CCDC102B: variants seen among roughly 807,000 people sequenced by gnomAD.
CCDC102B encodes coiled-coil domain-containing protein 102B.
CCDC102B carries 75 observed loss-of-function variants against 57.4 expected under a neutral mutation model. The observed-to-expected ratio is 1.31, with a 90% CI of 1.08 to 1.58. The LOEUF (loss-of-function observed/expected upper bound fraction) is 1.58, where lower values mean the gene tolerates loss of function less well. CCDC102B is among the 40% of genes most tolerant of loss of function. The pLI is 0.00. For missense variants in CCDC102B, 636 were observed against 582.6 expected (o/e 1.09, Z -0.94); for synonymous variants, 206 against 201.9 (o/e 1.02, Z -0.17).
At chr18:69,050,753 G>T (rs1568151042) in intron 7 of CCDC102B, among the ~76,000 whole-genome samples, 1 of 151,900 alleles carries the variant, frequency 6.6e-6, no homozygotes, top group South Asian at 2.1e-4. Context: ...TGATTTCAAA[G>T]CTTAAAGAAC....
At chr18:68,822,432 CA>C (rs1001842783) in intron 1 of CCDC102B, among the ~76,000 whole-genome samples, 2 of 151,546 alleles carry the variant, frequency 1.3e-5, no homozygotes, top group Admixed American at 1.3e-4. Flanking sequence ...TTTGTAGAAA[CA>C]AATAAATGTT....
chr18:68,891,586 A>G (rs1037707556), intron 5 of CCDC102B, among the ~76,000 whole-genome samples: 6 of 152,224 alleles, frequency 3.9e-5, no homozygotes, highest in Non-Finnish European at 7.3e-5. Context: ...TAAACAGCAG[A>G]CATTATTTTC....
intron 2 of CCDC102B, among the ~76,000 whole-genome samples, chr18:68,724,212 T>C (rs553757137): frequency 6.6e-6 from 1 of 152,176 alleles, no homozygotes; most frequent in Non-Finnish European, 1.5e-5. Flanking sequence ...GGCCCTAAGC[T>C]TGGCCCACAA....
intron 4 of CCDC102B, chr18:68,867,039 T>G: frequency 3.7e-6 from 1 of 268,882 alleles, no homozygotes; most frequent in Non-Finnish European, 7.4e-6. Context: ...AGAGCTGACG[T>G]TCCCAGCGTC....
chr18:68,722,294 C>T (rs1400737480), intron 2 of CCDC102B, among the ~76,000 whole-genome samples: 1 of 152,232 alleles, frequency 6.6e-6, no homozygotes, highest in Non-Finnish European at 1.5e-5. Context: ...AATTTCCCCA[C>T]TCTTCCCTTG....
At chr18:68,963,908 G>A (rs2050107893) in intron 6 of CCDC102B, among the ~76,000 whole-genome samples, 1 of 151,800 alleles carries the variant, frequency 6.6e-6, no homozygotes, top group African/African-American at 2.4e-5. Context: ...TCATGTGAGA[G>A]AATATGTTTG....
At chr18:68,985,398 CTG>C (rs2050698800) in intron 6 of CCDC102B, among the ~76,000 whole-genome samples, 1 of 152,094 alleles carries the variant, frequency 6.6e-6, no homozygotes, top group African/African-American at 2.4e-5. Context: ...AACGTACACT[CTG>C]TATTTGTCAG....
At chr18:69,047,314 G>A (rs1297956236) in intron 7 of CCDC102B, among the ~76,000 whole-genome samples, 1 of 152,026 alleles carries the variant, frequency 6.6e-6, no homozygotes, top group Non-Finnish European at 1.5e-5. Context: ...AATAGATACA[G>A]AAAACACTTT....
chr18:68,905,770 T>C (rs896466696), intron 6 of CCDC102B, among the ~76,000 whole-genome samples: 2 of 147,958 alleles, frequency 1.4e-5, no homozygotes, highest in African/African-American at 2.5e-5. Context: ...TGATATATAA[T>C]CTTTTATGTC....
At chr18:68,720,119 T>C (rs2032243783) in intron 2 of CCDC102B, among the ~76,000 whole-genome samples, 1 of 152,244 alleles carries the variant, frequency 6.6e-6, no homozygotes, top group Middle Eastern at 3.2e-3. Context: ...GGAATTTATA[T>C]ACTTCAACCT....
intron 6 of CCDC102B, among the ~76,000 whole-genome samples, chr18:68,919,814 C>A (rs1484980620): frequency 6.7e-6 from 1 of 149,656 alleles, no homozygotes; most frequent in East Asian, 2.0e-4. Flanking sequence ...GAGAGAATGT[C>A]TTCAATAATT....
rs576749485 is a variant in CCDC102B at position 68,739,082 on chromosome 18, C to T, written c.-67+22488C>T. On this transcript the variant is annotated intron_variant, in intron 2 of 3. Coordinates refer to the CCDC102B transcript ENST00000578970. Reference sequence around the variant, plus strand: ...CAATTTCACATCACTGCAACCTCCACCTCCCAGGATCAAGCGATTCTTGTG... The same window carrying T: ...CAATTTCACATCACTGCAACCTCCATCTCCCAGGATCAAGCGATTCTTGTG... 4.6e-5 allele frequency among the ~76,000 whole-genome samples: 7 copies of T among 151,362 alleles called. No homozygotes were observed. In the East Asian group the frequency reaches 1.2e-3, roughly 25 times the overall value.
intron 1 of CCDC102B, among the ~76,000 whole-genome samples, chr18:68,822,673 T>C (rs2036740641): frequency 1.3e-5 from 2 of 152,180 alleles, no homozygotes; most frequent in Admixed American, 1.3e-4. Flanking sequence ...TTTCCATTTT[T>C]ATGTCCATGC....
At chr18:68,765,289 AAAGAAAGGAAGGAAGG>A (rs1391929429) in intron 2 of CCDC102B, among the ~76,000 whole-genome samples, 59 of 87,504 alleles carry the variant, frequency 6.7e-4, no homozygotes, top group Non-Finnish European at 7.9e-4. Flanking sequence ...GAAAGAAAAG[AAAGAAAGGAAGGAAGG>A]AAGGAAGGAA....
intron 2 of CCDC102B, among the ~76,000 whole-genome samples, chr18:68,739,556 G>T (rs2145219485): frequency 6.6e-6 from 1 of 152,248 alleles, no homozygotes; most frequent in Non-Finnish European, 1.5e-5. Flanking sequence ...TTAGTCCATT[G>T]TACTACAGAT....
chr18:68,755,747 CAAATT>C (rs2034025689), intron 2 of CCDC102B, among the ~76,000 whole-genome samples: 1 of 151,224 alleles, frequency 6.6e-6, no homozygotes, highest in African/African-American at 2.4e-5. Context: ...TATTAATGAT[CAAATT>C]AAAAATTTGA....
chr18:69,017,184 T>G (rs2145410433), intron 7 of CCDC102B, among the ~76,000 whole-genome samples: 1 of 152,278 alleles, frequency 6.6e-6, no homozygotes, highest in East Asian at 1.9e-4. Flanking sequence ...GGGGCGGTCT[T>G]GGCTCACTGA....
intron 6 of CCDC102B, among the ~76,000 whole-genome samples, chr18:68,920,778 AACTC>A (rs1286911515): frequency 1.1e-4 from 16 of 152,268 alleles, no homozygotes; most frequent in Middle Eastern, 3.4e-3. Context: ...TAAAATCATG[AACTC>A]ACTCAGTATC....
intron 1 of CCDC102B, among the ~76,000 whole-genome samples, chr18:68,810,350 C>T (rs1157248151): frequency 6.6e-6 from 1 of 152,102 alleles, no homozygotes; most frequent in Non-Finnish European, 1.5e-5. Flanking sequence ...TATACACACT[C>T]AGCAGGTGGT....
Sources: gnomAD v4.1 joint callset for allele counts (sites outside exome capture counted in the v4.1 genomes callset) on GRCh38, gnomAD v4.1.1 for gene constraint, MANE v1.5 for transcripts, NCBI Gene and HGNC (gene_info 2026-07-23, HGNC 2026-07-21) for gene names.